RNF17: variants seen among roughly 807,000 people sequenced by gnomAD.
The protein encoded by RNF17 is ring finger protein 17.
RNF17 carries 31 observed loss-of-function variants against 200.5 expected under a neutral mutation model. The observed-to-expected ratio is 0.15, with a 90% CI of 0.12 to 0.21. RNF17 has a LOEUF of 0.21. RNF17 is among the 10% of genes least tolerant of loss of function. The probability of loss-of-function intolerance (pLI) is 1.00; values close to 1 mark genes in which losing one functional copy is unlikely to be tolerated. For missense variants in RNF17, 1,628 were observed against 1,905.1 expected (o/e 0.85, Z 2.71); for synonymous variants, 606 against 637.8 (o/e 0.95, Z 0.75).
In RNF17 at chr13:24,829,457, A is replaced by G. The variant is rs535552706; in HGVS notation, c.2246-1027A>G. ...AGTAAGAATCTAATGGCATTGGCAG[A>G]ATTGAGAACATCCTTCTAGCAAGGG... On this transcript the variant is annotated intron_variant, in intron 16 of 35. Coordinates refer to ENST00000255324, the MANE Select transcript of RNF17 (RefSeq NM_031277.3). 3.9e-5 allele frequency among the ~76,000 whole-genome samples: 6 copies of G among 152,346 alleles called. No individual in the cohort carries two copies. In the East Asian group the frequency reaches 1.2e-3, roughly 29 times the overall value.
chr13:24,814,738 T>A (rs1157534665), intron 15 of RNF17, among the ~76,000 whole-genome samples: 1 of 152,256 alleles, frequency 6.6e-6, no homozygotes, highest in Non-Finnish European at 1.5e-5. Flanking sequence ...AGTACCACAC[T>A]GTTTTGATTA....
At chr13:24,813,031 T>C (rs1886919815) in intron 15 of RNF17, among the ~76,000 whole-genome samples, 1 of 152,212 alleles carries the variant, frequency 6.6e-6, no homozygotes, top group Non-Finnish European at 1.5e-5. Context: ...GATTTTGATC[T>C]GCATTTCCCT....
chr13:24,883,882 C>T (rs767713729), downstream of RNF17: 16 of 1,550,672 alleles, frequency 1.0e-5, no homozygotes, highest in East Asian at 6.7e-5. Context: ...TCATCAGAAA[C>T]GCAAGGCTGG....
intron 33 of RNF17, among the ~76,000 whole-genome samples, chr13:24,874,473 A>C (rs1894645597): frequency 6.7e-6 from 1 of 150,128 alleles, no homozygotes; most frequent in South Asian, 2.1e-4. Context: ...GCAGTGGCGC[A>C]ATCTTGGCTC....
intron 8 of RNF17, 114 bp downstream of exon 8, chr13:24,789,538 AAGTT>A (rs1375819882): frequency 2.9e-5 from 27 of 934,274 alleles, no homozygotes; most frequent in Middle Eastern, 4.4e-4. Context: ...AATGTTTACT[AAGTT>A]AGTAACCAAA....
chr13:24,850,010 T>G (rs950671108), intron 22 of RNF17, among the ~76,000 whole-genome samples: 3 of 152,212 alleles, frequency 2.0e-5, no homozygotes, highest in African/African-American at 7.2e-5. Flanking sequence ...GTTTACAGTC[T>G]AGTTGACATA....
At chr13:24,822,242 G>T (rs1888152330) in intron 15 of RNF17, among the ~76,000 whole-genome samples, 1 of 152,100 alleles carries the variant, frequency 6.6e-6, no homozygotes, top group South Asian at 2.1e-4. Flanking sequence ...CGAGAAGGGA[G>T]GATGGAGCCG....
rs556138589 is a variant in RNF17, at chr13:24,804,216, T to C, written c.1950-72T>C. On this transcript the variant is annotated intron_variant, in intron 14 of 35. Coordinates refer to ENST00000255324, the MANE Select transcript of RNF17 (RefSeq NM_031277.3). ...GGGTAGAGGCTGCAGTGAGCCATGA[T>C]AGCACCACTGCACTCCAGCCTGGGT... The C allele has an allele frequency of 2.9e-6, 4 of 1,400,054 alleles. 1 individual carries two copies. The South Asian group carries it at 4.9e-5, about 17-fold the overall frequency. The allele number at this position is 1,400,054 out of a possible 1,614,324, so 86.7% of individuals were successfully genotyped here.
chr13:24,832,099 T>C, intron 18 of RNF17, 121 bp downstream of exon 18: 1 of 681,638 alleles, frequency 1.5e-6, no homozygotes, highest in Non-Finnish European at 2.3e-6. Flanking sequence ...AGAGATAAGA[T>C]TTGTTGAGAA....
upstream of RNF17, chr13:24,764,109 G>C: frequency 8.3e-7 from 1 of 1,210,732 alleles, no homozygotes; most frequent in Non-Finnish European, 1.2e-6. Flanking sequence ...CCCACTGTTT[G>C]GCTATCTGCA....
intron 9 of RNF17, among the ~76,000 whole-genome samples, chr13:24,792,735 C>T (rs1414290640): frequency 6.6e-6 from 1 of 152,174 alleles, no homozygotes; most frequent in Non-Finnish European, 1.5e-5. Flanking sequence ...TTCTTAAACA[C>T]TGATCTGTGA....
chr13:24,884,715 T>A (rs7995027), downstream of RNF17, among the ~76,000 whole-genome samples: 2 of 152,220 alleles, frequency 1.3e-5, no homozygotes, highest in Admixed American at 6.5e-5. Context: ...TAAAGTAGAC[T>A]TTGTACAGGA....
At chr13:24,851,048 G>A (rs909588247) in intron 23 of RNF17, among the ~76,000 whole-genome samples, 11 of 152,146 alleles carry the variant, frequency 7.2e-5, no homozygotes, top group Admixed American at 7.2e-4. Flanking sequence ...AGGCTGGAGT[G>A]CAGTGGCGCG....
chr13:24,844,739 C>G lies in RNF17; in HGVS notation c.2919C>G (p.Ile973Met), dbSNP rs1323859621. 6 of 1,613,434 alleles carry G rather than the reference C, an allele frequency of 3.7e-6. No homozygotes were observed. The highest frequency in any genetic ancestry group is 5.1e-6 in the Non-Finnish European group (6 of 1,179,636). The change falls in exon 21 of 36, where the codon ATC (isoleucine) becomes ATG (methionine). Residue 973 changes from isoleucine to methionine, a missense_variant. By Grantham distance (10) the Ile-to-Met change is conservative (BLOSUM62 1). Around this residue, in one of 5 missense-constraint regions of RNF17, gnomAD observed 227 missense variants for 319.8 expected, o/e 0.71. Transcript: ENST00000255324. ...WENDMHCAVK[I>M]QDKNQWRRGQ... ...ATGATATGCACTGTGCTGTTAAGATCCAAGATAAAAATCAGTGGCGAAGAG... is the reference window on the plus strand; with the variant it reads ...ATGATATGCACTGTGCTGTTAAGATGCAAGATAAAAATCAGTGGCGAAGAG...
intron 15 of RNF17, among the ~76,000 whole-genome samples, chr13:24,822,687 T>C (rs1888206615): frequency 6.6e-6 from 1 of 152,196 alleles, no homozygotes; most frequent in African/African-American, 2.4e-5. Flanking sequence ...CCCAAAGTGC[T>C]GGGATTTTAG....
rs544291454 is a variant in RNF17, at chr13:24,800,456, A to G, written c.1680A>G (p.Pro560=). Reference sequence around the variant, plus strand: ...GTCTGGTTCTAAGGAAATCTGAACCATATACTGAAGGGCTGCTAAAAGACA... The same window carrying G: ...GTCTGGTTCTAAGGAAATCTGAACCGTATACTGAAGGGCTGCTAAAAGACA... The part of the protein sequence containing the change: ...DLCLVLRKSE[P]YTEGLLKDIQ... Residue 560 remains proline (P), a synonymous_variant, in exon 13 of 36, where the codon CCA becomes CCG. Coordinates refer to ENST00000255324, the MANE Select transcript of RNF17 (RefSeq NM_031277.3). 1.8e-4 allele frequency: 288 copies of G among 1,613,626 alleles called. 2 individuals are homozygous for G. The South Asian group carries it at 3.0e-3, about 17-fold the overall frequency.
At chr13:24,885,229 C>G in the RNF17 span, 1 of 1,253,216 alleles carries the variant, frequency 8.0e-7, no homozygotes, top group Non-Finnish European at 1.2e-6. Flanking sequence ...TATTTTAACC[C>G]ATGTTTATTT....
chr13:24,849,041 G>A (rs1032234022), intron 22 of RNF17, among the ~76,000 whole-genome samples: 21 of 152,098 alleles, frequency 1.4e-4, no homozygotes, highest in South Asian at 2.1e-4. Context: ...TTGACCAGGC[G>A]AAGCTGAGTG....
intron 33 of RNF17, 159 bp downstream of exon 33, chr13:24,874,408 T>G: frequency 5.4e-6 from 3 of 553,030 alleles, no homozygotes; most frequent in Non-Finnish European, 8.7e-6. Flanking sequence ...AAATTTACCA[T>G]TGTAGCTTTT....
Sources: gnomAD v4.1 joint callset for allele counts (sites outside exome capture counted in the v4.1 genomes callset) on GRCh38, gnomAD v4.1.1 for gene constraint, gnomAD v4.1.1 regional missense constraint, MANE v1.5 for transcripts, NCBI Gene and HGNC (gene_info 2026-07-23, HGNC 2026-07-21) for gene names.